The following RNPS1 variants were observed in gnomAD, a reference collection of about 807,000 sequenced individuals.
RNPS1 encodes RNA-binding protein with serine-rich domain 1.
For missense variants in RNPS1, 300 were observed against 427.6 expected, an observed-to-expected ratio of 0.70 and a Z score of 2.63; for synonymous variants, 147 against 150.0, an observed-to-expected ratio of 0.98 and a Z score of 0.15.
chr16:2,264,821 T>G (rs1234255548), intron 1 of RNPS1, 61 bp from the exon 2 acceptor site: 1 of 1,388,562 alleles, frequency 7.2e-7, no homozygotes, highest in African/African-American at 1.5e-5. Context: ...AAGTCTACTT[T>G]GCAGTCAAAA....
rs1250982710 is a variant in RNPS1 at position 2,264,266 on chromosome 16, T to G, written c.137A>C (p.Lys46Thr). Residue 46 changes from lysine (K) to threonine (T), a missense_variant, in exon 3 of 8, where the codon AAA becomes ACA. Lys to Thr is a moderately conservative substitution (Grantham distance 78, BLOSUM62 -1). Coordinates refer to ENST00000320225, the MANE Select transcript of RNPS1 (RefSeq NM_080594.4). ...CTCACTCGACTCCTTGGTGGCCCCTTTATCTTTTGAGCGATCCTTGGACTT... is the reference window on the plus strand; with the variant it reads ...CTCACTCGACTCCTTGGTGGCCCCTGTATCTTTTGAGCGATCCTTGGACTT... ...DEKSKDRSKD[K>T]GATKESSEKD... 2 of 1,614,042 alleles carry G rather than the reference T, an allele frequency of 1.2e-6. No individual in the cohort carries two copies. Among genetic ancestry groups the G allele is most frequent in the African/African-American group, 2.7e-5 (2 of 74,908 alleles).
intron 3 of RNPS1, among the ~76,000 whole-genome samples, chr16:2,263,596 G>A (rs1346958821): frequency 6.6e-6 from 1 of 152,196 alleles, no homozygotes. Context: ...GAAGGCAGCT[G>A]CTGGCTGATG....
At chr16:2,267,536 A>T (rs1402690168) in intron 1 of RNPS1, 3 of 1,030,484 alleles carry the variant, frequency 2.9e-6, no homozygotes, top group Non-Finnish European at 3.5e-6. Flanking sequence ...CGCGGAGTAC[A>T]CGTTTGAATT....
intron 3 of RNPS1, chr16:2,263,924 C>A: frequency 9.4e-6 from 3 of 320,532 alleles, no homozygotes; most frequent in East Asian, 1.2e-4. Context: ...GAGACGAGCT[C>A]TTGTTTTGTT....
chr16:2,255,793 G>C, intron 6 of RNPS1, 67 bp from the exon 7 acceptor site: 1 of 1,511,488 alleles, frequency 6.6e-7, no homozygotes, highest in Non-Finnish European at 9.1e-7. Context: ...GCATGCCACA[G>C]TGAAAGACAG....
chr16:2,268,018 C>T (rs999471268), intron 1 of RNPS1, 37 bp downstream of exon 1: 1 of 1,533,636 alleles, frequency 6.5e-7, no homozygotes, highest in Non-Finnish European at 8.7e-7. Flanking sequence ...GGGCAGCCCC[C>T]GAAACACGGA....
At chr16:2,259,631 T>C (rs1179066492) in intron 6 of RNPS1, among the ~76,000 whole-genome samples, 1 of 152,240 alleles carries the variant, frequency 6.6e-6, no homozygotes, top group Admixed American at 6.5e-5. Flanking sequence ...GGCTCACGCC[T>C]GTAATCCCAG....
At chr16:2,260,147 CTTTTTT>C (rs776703032) in intron 6 of RNPS1, among the ~76,000 whole-genome samples, 1 of 72,432 alleles carries the variant, frequency 1.4e-5, no homozygotes, top group African/African-American at 5.2e-5. Flanking sequence ...TGTGTGTATT[CTTTTTT>C]TTTTTTTTTT....
intron 7 of RNPS1, 39 bp downstream of exon 7, chr16:2,255,546 T>C (rs1338550636): frequency 1.3e-6 from 2 of 1,540,084 alleles, no homozygotes; most frequent in East Asian, 4.5e-5. Flanking sequence ...ACATGAGGTT[T>C]GTGGCCTGAT....
At chr16:2,264,477 T>C (rs1266886521) in intron 2 of RNPS1, 96 bp downstream of exon 2, 6 of 1,531,060 alleles carry the variant, frequency 3.9e-6, no homozygotes, top group Non-Finnish European at 5.4e-6. Context: ...GAACACTCAC[T>C]GTAGAATGCA....
intron 6 of RNPS1, among the ~76,000 whole-genome samples, chr16:2,261,575 C>T (rs758343853): frequency 4.6e-5 from 7 of 152,328 alleles, no homozygotes; most frequent in Non-Finnish European, 5.9e-5. Flanking sequence ...GTCTCACTAA[C>T]GCAGGCCTCT....
At position 2,254,075 on chromosome 16, in the gene RNPS1, G is replaced by A. The variant is rs941048882; in HGVS notation, c.819-12C>T. On this transcript the variant is annotated splice_polypyrimidine_tract_variant and intron_variant, in intron 7 of 7. Transcript: ENST00000320225. ...TCGGGGAGCGGGACCTGCGGGAAGA[G>A]GAGAAACCACATCAGAGTAGCTCAG... 1.6e-5 allele frequency: 24 copies of A among 1,466,690 alleles called. No homozygotes were observed. The highest frequency in any genetic ancestry group is 7.1e-5 in the African/African-American group (5 of 70,094). The allele number at this position is 1,466,690 out of a possible 1,614,324, so 90.9% of individuals were successfully genotyped here. A position where few individuals can be genotyped will look rare whatever the true frequency, so the allele number is the denominator to read the frequency against.
chr16:2,254,980 G>C (rs936110807), intron 7 of RNPS1, among the ~76,000 whole-genome samples: 3 of 152,064 alleles, frequency 2.0e-5, no homozygotes, highest in African/African-American at 4.8e-5. Flanking sequence ...CTAACCTCGT[G>C]ATCTGCCCGC....
intron 1 of RNPS1, chr16:2,265,117 G>A (rs1219096061): frequency 6.4e-6 from 1 of 156,132 alleles, no homozygotes; most frequent in African/African-American, 2.4e-5. Context: ...GCAGAACAGA[G>A]AAAAACCTAA....
At position 2,254,036 on chromosome 16, in the gene RNPS1, G is replaced by A. The variant is rs369752317; in HGVS notation, c.846C>T (p.Pro282=). Residue 282 remains proline, a synonymous_variant, in exon 8 of 8, where the codon CCC becomes CCT. Coordinates refer to ENST00000320225, the MANE Select transcript of RNPS1 (RefSeq NM_080594.4). The stretch of plus-strand genomic sequence containing the variant: ...CCGGGGACCGTGATCTCCGGCGCAC[G>A]GGGGACCTGCGCCTCGGGGAGCGGG... ...RRSRSPRRRS[P]VRRRSRSPGR... The A allele has an allele frequency of 8.0e-5, 120 of 1,504,188 alleles. No individual in the cohort carries two copies. Among genetic ancestry groups the A allele is most frequent in the Middle Eastern group, 3.5e-4 (2 of 5,768 alleles). The allele number at this position is 1,504,188 out of a possible 1,614,324, so 93.2% of individuals were successfully genotyped here. A position where few individuals can be genotyped will look rare whatever the true frequency, so the allele number is the denominator to read the frequency against.
chr16:2,261,895 G>C lies in RNPS1; in HGVS notation c.676+383C>G, dbSNP rs141039351. Among the ~76,000 whole-genome samples, 40 of 152,300 alleles carry C rather than the reference G, an allele frequency of 2.6e-4. No homozygotes were observed. The East Asian group carries it at 7.7e-3, about 29-fold the overall frequency. ...GAAGGTCTTCAAGACTCAATCCTTA[G>C]TTAATAGATTAAAAGTCAGTAACTT... On this transcript the variant is annotated intron_variant, in intron 6 of 7. Coordinates refer to ENST00000320225, the MANE Select transcript of RNPS1 (RefSeq NM_080594.4).
At chr16:2,261,751 C>T (rs1596808963) in intron 6 of RNPS1, among the ~76,000 whole-genome samples, 1 of 152,064 alleles carries the variant, frequency 6.6e-6, no homozygotes, top group Non-Finnish European at 1.5e-5. Context: ...TAGGATTAAG[C>T]CAGTTTTATT....
intron 3 of RNPS1, 39 bp from the exon 4 acceptor site, chr16:2,263,326 A>T (rs555023939): frequency 1.2e-6 from 2 of 1,603,678 alleles, no homozygotes; most frequent in African/African-American, 2.7e-5. Context: ...CCACACACCA[A>T]GTCTCACAGT....
chr16:2,254,935 G>A (rs555738615), intron 7 of RNPS1, among the ~76,000 whole-genome samples: 1 of 151,786 alleles, frequency 6.6e-6, no homozygotes, highest in Non-Finnish European at 1.5e-5. Flanking sequence ...GTAGAGACAA[G>A]GTTTCACTGT....
Sources: gnomAD v4.1 joint callset for allele counts (sites outside exome capture counted in the v4.1 genomes callset) on GRCh38, gnomAD v4.1.1 for gene constraint, MANE v1.5 for transcripts, NCBI Gene and HGNC (gene_info 2026-07-23, HGNC 2026-07-21) for gene names.